Variants in PRRX1 observed in about 807,000 individuals in gnomAD.
PRRX1 encodes paired mesoderm homeobox protein 1.
In PRRX1, 8 loss-of-function variants were observed where a neutral mutation model predicts 24.0. The observed-to-expected ratio is 0.33, with a 90% confidence interval of 0.20 to 0.60. The LOEUF (loss-of-function observed/expected upper bound fraction) is 0.60. Among genes scored for constraint, PRRX1 ranks in the 20% least tolerant of loss-of-function variants. The probability of loss-of-function intolerance (pLI) is 0.82; values close to 1 mark genes in which losing one functional copy is unlikely to be tolerated. For missense variants in PRRX1, 281 were observed against 322.4 expected (o/e 0.87, Z 0.98); for synonymous variants, 160 against 131.7 (o/e 1.22, Z -1.47).
intron 1 of PRRX1, among the ~76,000 whole-genome samples, chr1:170,708,729 C>T (rs930781287): frequency 2.0e-5 from 3 of 152,184 alleles, no homozygotes; most frequent in Non-Finnish European, 4.4e-5. Flanking sequence ...ATTCTACACA[C>T]TTTGTTCACC....
intron 1 of PRRX1, among the ~76,000 whole-genome samples, chr1:170,693,827 G>C (rs1400732167): frequency 6.6e-6 from 1 of 152,062 alleles, no homozygotes; most frequent in Non-Finnish European, 1.5e-5. Context: ...GATCCGAATG[G>C]GGAAAATGAG....
At chr1:170,726,996 G>A (rs1001722728) in intron 3 of PRRX1, 2 of 152,438 alleles carry the variant, frequency 1.3e-5, no homozygotes, top group African/African-American at 2.4e-5. Context: ...TTGTTAGTAG[G>A]TGTGAATTTC....
At chr1:170,722,919 A>G (rs1655134285) in intron 2 of PRRX1, among the ~76,000 whole-genome samples, 1 of 152,352 alleles carries the variant, frequency 6.6e-6, no homozygotes, top group Admixed American at 6.5e-5. Context: ...TTAGGAGTCC[A>G]CAGGTAATTT....
chr1:170,723,423 T>TTTGAAAATTAAAATTTTCAAATTTAC (rs543133919), intron 2 of PRRX1, among the ~76,000 whole-genome samples: 1,962 of 152,334 alleles, frequency 0.013, 50 homozygotes, highest in African/African-American at 0.044. Context: ...CTTCATTTAA[T>TTTGAAAATTAAAATTTTCAAATTTAC]AGGTTTTGAT....
chr1:170,667,214 G>C (rs4656219), intron 1 of PRRX1, among the ~76,000 whole-genome samples: 12,138 of 152,112 alleles, frequency 0.08, 641 homozygotes, highest in Middle Eastern at 0.12. Flanking sequence ...ACAGCTTCCG[G>C]AGGAGGCCGC....
chr1:170,716,789 C>G (rs1053754807), intron 1 of PRRX1, among the ~76,000 whole-genome samples: 2 of 152,170 alleles, frequency 1.3e-5, no homozygotes, highest in African/African-American at 4.8e-5. Context: ...TAAAAATACA[C>G]TGCTTTCTCT....
intron 1 of PRRX1, 49 bp downstream of exon 1, chr1:170,664,508 CG>C (rs1375770470): frequency 1.3e-6 from 2 of 1,560,852 alleles, no homozygotes; most frequent in East Asian, 2.4e-5. Flanking sequence ...GGACAGAGGG[CG>C]GGGACCCGTG....
chr1:170,730,683 T>G, intron 3 of PRRX1: 2 of 255,050 alleles, frequency 7.8e-6, no homozygotes, highest in Middle Eastern at 1.3e-3. Context: ...TGTTGACACT[T>G]GGTACACATT....
intron 1 of PRRX1, among the ~76,000 whole-genome samples, chr1:170,716,424 A>C (rs1654909297): frequency 6.6e-6 from 1 of 152,070 alleles, no homozygotes; most frequent in Non-Finnish European, 1.5e-5. Context: ...TTCTACTAAA[A>C]ATACAAAAAA....
chr1:170,715,688 C>T (rs1004884892), intron 1 of PRRX1, among the ~76,000 whole-genome samples: 2 of 152,118 alleles, frequency 1.3e-5, no homozygotes, highest in Admixed American at 1.3e-4. Context: ...GAAGCAAGGA[C>T]TTATGGATAT....
At chr1:170,684,819 A>G (rs371867073) in intron 1 of PRRX1, among the ~76,000 whole-genome samples, 8 of 152,218 alleles carry the variant, frequency 5.3e-5, no homozygotes, top group African/African-American at 1.9e-4. Context: ...CACCATGAAG[A>G]AAGTTAAGAA....
At chr1:170,701,223 T>G (rs1447705006) in intron 1 of PRRX1, among the ~76,000 whole-genome samples, 2 of 152,222 alleles carry the variant, frequency 1.3e-5, no homozygotes, top group Non-Finnish European at 2.9e-5. Context: ...TTACAATATA[T>G]ATCCTCCATT....
chr1:170,677,559 A>T (rs1653366098), intron 1 of PRRX1, among the ~76,000 whole-genome samples: 1 of 152,234 alleles, frequency 6.6e-6, no homozygotes, highest in Admixed American at 6.5e-5. Context: ...ATTTAGTGCC[A>T]TTGAAATTAG....
At chr1:170,710,782 G>A (rs1386932494) in intron 1 of PRRX1, among the ~76,000 whole-genome samples, 2 of 152,168 alleles carry the variant, frequency 1.3e-5, no homozygotes, top group Non-Finnish European at 2.9e-5. Context: ...TGCCATATGA[G>A]GATATAGTAA....
intron 1 of PRRX1, among the ~76,000 whole-genome samples, chr1:170,710,798 C>T (rs910824733): frequency 6.6e-6 from 1 of 152,182 alleles, no homozygotes; most frequent in Non-Finnish European, 1.5e-5. Flanking sequence ...AGTAAGAAGG[C>T]AGTTGTTTGC....
rs139500195 is a variant in PRRX1, at chr1:170,694,986, G to A, written c.242-24740G>A. ...AGAAACTGACATAGTCTAACAATCC[G>A]ATGCATTGGGAGATATGCTGTGGTG... is the stretch of plus-strand genomic sequence containing the variant. On this transcript the variant is annotated intron_variant, in intron 1 of 3. Coordinates refer to ENST00000239461, the MANE Select transcript of PRRX1 (RefSeq NM_022716.4). Among the ~76,000 whole-genome samples the A allele has an allele frequency of 8.3e-4, 126 of 152,210 alleles. 2 individuals are homozygous for A. The highest frequency in any genetic ancestry group is 1.3e-3 in the Non-Finnish European group (91 of 67,992).
At chr1:170,685,959 A>T (rs1393034395) in intron 1 of PRRX1, among the ~76,000 whole-genome samples, 1 of 152,110 alleles carries the variant, frequency 6.6e-6, no homozygotes, top group Non-Finnish European at 1.5e-5. Flanking sequence ...TCAATTGGAC[A>T]TATACCTGTT....
intron 1 of PRRX1, among the ~76,000 whole-genome samples, chr1:170,712,710 C>G (rs1288950743): frequency 6.6e-6 from 1 of 152,156 alleles, no homozygotes; most frequent in African/African-American, 2.4e-5. Context: ...CCCATTTTAT[C>G]ATTTTGGAAA....
Position 170,664,266 on chromosome 1 carries a change from C to A in PRRX1, c.48C>A (p.Gly16=), listed in dbSNP as rs1652833571. The change falls in exon 1 of 4, where the codon GGC becomes GGA. Residue 16 remains glycine (G), a synonymous_variant. Transcript: ENST00000239461. ...TTCTGGAGCGGCAACCGGCGCTGGG[C>A]GGCCGCTTGGACAGCCCGGGCAACC... ...GHVLERQPAL[G]GRLDSPGNLD... 1 of 1,612,726 alleles carries A rather than the reference C, an allele frequency of 6.2e-7. No individual in the cohort carries two copies. The highest frequency in any genetic ancestry group is 1.1e-5 in the South Asian group (1 of 90,636).
Sources: gnomAD v4.1 joint callset for allele counts (sites outside exome capture counted in the v4.1 genomes callset) on GRCh38, gnomAD v4.1.1 for gene constraint, MANE v1.5 for transcripts, NCBI Gene and HGNC (gene_info 2026-07-23, HGNC 2026-07-21) for gene names.